CLSTN2: variants seen among roughly 807,000 people sequenced by gnomAD.
The protein encoded by CLSTN2 is calsyntenin-2.
A neutral mutation model predicts 101.2 loss-of-function variants in CLSTN2; 48 were observed. That is an observed-to-expected ratio of 0.47 (90% CI 0.38 to 0.60). The LOEUF (loss-of-function observed/expected upper bound fraction) is 0.60, where lower values mean the gene tolerates loss of function less well. Ranked by LOEUF, CLSTN2 falls within the 20% of genes least tolerant of loss-of-function variation. CLSTN2 has a pLI of 0.00. For missense variants in CLSTN2, 1,160 were observed against 1,238.2 expected (o/e 0.94, Z 0.95); for synonymous variants, 481 against 463.6 (o/e 1.04, Z -0.48).
intron 2 of CLSTN2, among the ~76,000 whole-genome samples, chr3:140,277,063 A>G (rs1429519839): frequency 6.6e-6 from 1 of 152,196 alleles, no homozygotes; most frequent in Non-Finnish European, 1.5e-5. Context: ...AAGCTCCTCC[A>G]TGTAATTTGT....
intron 2 of CLSTN2, among the ~76,000 whole-genome samples, chr3:140,331,084 A>T (rs2087379201): frequency 6.6e-6 from 1 of 152,192 alleles, no homozygotes; most frequent in African/African-American, 2.4e-5. Context: ...AAGCCTCACA[A>T]CCAAGGAAGC....
rs1370229338 is a variant in CLSTN2, at chr3:140,240,134, T to TTCTCTCTCTCTCTCTC, written c.232+64063_232+64078dup. On this transcript the variant is annotated intron_variant, in intron 2 of 16. Transcript: ENST00000458420. ...AAGCTATACCTTAATTGCACCTGGT[T>TTCTCTCTCTCTCTCTC]TCTCTCTCTCTCTCTCTGTCTCTCT... 1.8e-3 allele frequency among the ~76,000 whole-genome samples: 36 copies of TTCTCTCTCTCTCTCTC among 20,506 alleles called. 15 individuals carry two copies. In the East Asian group the frequency reaches 0.018, roughly 10 times the overall value. The allele number at this position is 20,506 out of a possible 152,430, so 13.5% of individuals were successfully genotyped here.
intron 2 of CLSTN2, among the ~76,000 whole-genome samples, chr3:140,357,490 C>T (rs1043864895): frequency 1.3e-4 from 20 of 152,022 alleles, no homozygotes; most frequent in African/African-American, 7.2e-5. Flanking sequence ...ATTCCAGATG[C>T]GCAGATGTGG....
At chr3:140,267,531 G>C (rs1333972690) in intron 2 of CLSTN2, among the ~76,000 whole-genome samples, 1 of 152,170 alleles carries the variant, frequency 6.6e-6, no homozygotes, top group Non-Finnish European at 1.5e-5. Context: ...AGAGATACAG[G>C]CAATAGCAAT....
chr3:140,218,422 A>C (rs927901921), intron 2 of CLSTN2, among the ~76,000 whole-genome samples: 1 of 152,136 alleles, frequency 6.6e-6, no homozygotes, highest in Non-Finnish European at 1.5e-5. Context: ...TTACTTCTTG[A>C]GCTGAAAAGA....
At chr3:140,173,993 T>A (rs2010283261) in intron 1 of CLSTN2, among the ~76,000 whole-genome samples, 1 of 152,230 alleles carries the variant, frequency 6.6e-6, no homozygotes, top group Admixed American at 6.5e-5. Context: ...TCTCGTTACT[T>A]ATGAAAATTT....
intron 2 of CLSTN2, among the ~76,000 whole-genome samples, chr3:140,195,709 T>G (rs943560432): frequency 4.3e-4 from 66 of 152,168 alleles, no homozygotes; most frequent in Non-Finnish European, 1.5e-4. Context: ...GAAAAAGAGT[T>G]TACAGATTAA....
chr3:139,943,870 A>T (rs1935176024), intron 1 of CLSTN2, among the ~76,000 whole-genome samples: 1 of 152,152 alleles, frequency 6.6e-6, no homozygotes, highest in Admixed American at 6.5e-5. Flanking sequence ...TTCTGCCTTC[A>T]TCCTTACAAC....
At chr3:140,392,909 G>T (rs569875994) in intron 2 of CLSTN2, among the ~76,000 whole-genome samples, 1 of 151,978 alleles carries the variant, frequency 6.6e-6, no homozygotes, top group Non-Finnish European at 1.5e-5. Flanking sequence ...AACTGGTGAG[G>T]CCCTTCTTGC....
At chr3:140,266,761 G>A (rs1246883362) in intron 2 of CLSTN2, among the ~76,000 whole-genome samples, 2 of 152,188 alleles carry the variant, frequency 1.3e-5, no homozygotes, top group African/African-American at 4.8e-5. Flanking sequence ...AAGTGATCAT[G>A]ATCACAGGAA....
chr3:140,118,429 C>T (rs534793335), intron 1 of CLSTN2, among the ~76,000 whole-genome samples: 2 of 152,226 alleles, frequency 1.3e-5, no homozygotes, highest in East Asian at 1.9e-4. Flanking sequence ...TTGGTCTCAT[C>T]GCTGCTGGGA....
chr3:140,056,707 G>T (rs149245704), intron 1 of CLSTN2, among the ~76,000 whole-genome samples: 100 of 152,304 alleles, frequency 6.6e-4, no homozygotes, highest in Middle Eastern at 3.4e-3. Context: ...ACCTACAGTT[G>T]TGGACCTAAA....
At chr3:140,169,551 G>A (rs2010181861) in intron 1 of CLSTN2, among the ~76,000 whole-genome samples, 1 of 152,070 alleles carries the variant, frequency 6.6e-6, no homozygotes, top group Non-Finnish European at 1.5e-5. Flanking sequence ...CCTGTTCTTG[G>A]AAGGAAAGCA....
chr3:140,339,940 C>T (rs1172400920), intron 2 of CLSTN2, among the ~76,000 whole-genome samples: 3 of 152,208 alleles, frequency 2.0e-5, no homozygotes, highest in Non-Finnish European at 4.4e-5. Flanking sequence ...CTCCACCACA[C>T]ACTAAGTGTT....
At chr3:140,539,679 G>A (rs576156679) in intron 9 of CLSTN2, among the ~76,000 whole-genome samples, 3 of 152,316 alleles carry the variant, frequency 2.0e-5, no homozygotes, top group Admixed American at 6.5e-5. Context: ...CGCAGCCAGT[G>A]CAGTGCTGAG....
intron 1 of CLSTN2, among the ~76,000 whole-genome samples, chr3:139,987,292 C>A (rs535140232): frequency 6.6e-6 from 1 of 152,170 alleles, no homozygotes; most frequent in Non-Finnish European, 1.5e-5. Flanking sequence ...GTTTATACCC[C>A]TGCATTCAGT....
At chr3:139,987,910 C>G (rs1349907207) in intron 1 of CLSTN2, among the ~76,000 whole-genome samples, 1 of 152,164 alleles carries the variant, frequency 6.6e-6, no homozygotes, top group Non-Finnish European at 1.5e-5. Context: ...ACAGTTACGC[C>G]AAACCACAGT....
chr3:140,523,256 C>T (rs931041643), intron 8 of CLSTN2, among the ~76,000 whole-genome samples: 1 of 151,994 alleles, frequency 6.6e-6, no homozygotes, highest in African/African-American at 2.4e-5. Flanking sequence ...TTCAGACAGT[C>T]CTTTGAAGCT....
chr3:140,350,785 C>T (rs1576527544), intron 2 of CLSTN2, among the ~76,000 whole-genome samples: 1 of 152,290 alleles, frequency 6.6e-6, no homozygotes, highest in South Asian at 2.1e-4. Context: ...AAGCCTGGGG[C>T]CCCTAATGGT....
Sources: gnomAD v4.1 joint callset for allele counts (sites outside exome capture counted in the v4.1 genomes callset) on GRCh38, gnomAD v4.1.1 for gene constraint, MANE v1.5 for transcripts, NCBI Gene and HGNC (gene_info 2026-07-23, HGNC 2026-07-21) for gene names.